The following AOAH variants were observed in gnomAD, a reference collection of about 807,000 sequenced individuals.
The protein encoded by AOAH is acyloxyacyl hydrolase (neutrophil).
Under a neutral mutation model 92.2 loss-of-function variants are expected in AOAH, and 64 were observed. The ratio of observed to expected loss-of-function variants is 0.69; its 90% CI spans 0.57 to 0.86. AOAH has a LOEUF of 0.86. AOAH is among the 40% of genes least tolerant of loss of function. The pLI is 0.00. For synonymous variants in AOAH, 263 were observed against 254.5 expected (o/e 1.03, Z -0.32); for missense variants, 656 against 694.6 (o/e 0.94, Z 0.62).
chr7:36,618,307 TTTC>T lies in AOAH; in HGVS notation c.738_740del (p.Lys247del). ...ATCCACAATTCATACCTTCACAGAA[TTTC>T]TTCTCATATGGAACTCCATCTTTTG... On this transcript the variant is annotated inframe_deletion, in exon 10 of 21. Coordinates refer to ENST00000617537, the MANE Select transcript of AOAH (RefSeq NM_001637.4). The T allele has an allele frequency of 6.2e-7, 1 of 1,613,728 alleles. No homozygotes were observed. The highest frequency in any genetic ancestry group is 1.7e-4 in the Middle Eastern group (1 of 6,058).
chr7:36,560,232 T>C (rs1410002132), intron 13 of AOAH, among the ~76,000 whole-genome samples: 1 of 152,250 alleles, frequency 6.6e-6, no homozygotes, highest in Non-Finnish European at 1.5e-5. Flanking sequence ...TTTGGTTCCA[T>C]ATGAATTTTA....
chr7:36,662,608 AGG>A (rs1795288415), intron 3 of AOAH, among the ~76,000 whole-genome samples: 1 of 152,174 alleles, frequency 6.6e-6, no homozygotes, highest in Admixed American at 6.5e-5. Context: ...AGTGATAAAT[AGG>A]GCTCTGGTTA....
At chr7:36,583,170 G>A (rs1240179128) in intron 12 of AOAH, among the ~76,000 whole-genome samples, 1 of 152,076 alleles carries the variant, frequency 6.6e-6, no homozygotes, top group Non-Finnish European at 1.5e-5. Flanking sequence ...TTGAATCTTA[G>A]GGAATAAGTT....
chr7:36,667,898 G>A (rs774574778), intron 3 of AOAH, among the ~76,000 whole-genome samples: 2 of 152,064 alleles, frequency 1.3e-5, no homozygotes, highest in Admixed American at 1.3e-4. Flanking sequence ...TGCTAGCATG[G>A]TATAGCTTTC....
intron 10 of AOAH, among the ~76,000 whole-genome samples, chr7:36,617,602 A>G (rs1202619431): frequency 6.6e-6 from 1 of 152,238 alleles, no homozygotes; most frequent in African/African-American, 2.4e-5. Flanking sequence ...GAATGAATGA[A>G]TGAATGAATG....
chr7:36,549,248 C>G (rs1010952916), intron 14 of AOAH, among the ~76,000 whole-genome samples, 191 bp downstream of exon 14: 4 of 152,182 alleles, frequency 2.6e-5, no homozygotes, highest in African/African-American at 9.6e-5. Flanking sequence ...TTTTATCACC[C>G]TTCTTTGAGG....
intron 13 of AOAH, among the ~76,000 whole-genome samples, chr7:36,559,987 G>T (rs949770881): frequency 6.6e-6 from 1 of 152,086 alleles, no homozygotes; most frequent in African/African-American, 2.4e-5. Flanking sequence ...TATTGAACAG[G>T]GAGTCCTTTC....
intron 2 of AOAH, among the ~76,000 whole-genome samples, chr7:36,685,002 CG>C (rs1796910086): frequency 6.7e-6 from 1 of 148,898 alleles, no homozygotes; most frequent in South Asian, 2.1e-4. Context: ...GCACCTATGG[CG>C]GCCTCCTGAT....
At chr7:36,668,719 T>C (rs1035466528) in intron 3 of AOAH, among the ~76,000 whole-genome samples, 4 of 152,238 alleles carry the variant, frequency 2.6e-5, no homozygotes, top group African/African-American at 9.6e-5. Flanking sequence ...ACTCCTGGAC[T>C]CAAGTGATCC....
chr7:36,567,226 T>C (rs1290840727), intron 13 of AOAH, among the ~76,000 whole-genome samples: 3 of 152,238 alleles, frequency 2.0e-5, no homozygotes, highest in African/African-American at 7.2e-5. Context: ...GAATTGAGGT[T>C]GCTGCAGGCT....
intron 1 of AOAH, among the ~76,000 whole-genome samples, chr7:36,688,903 A>ATG (rs1797215007): frequency 6.6e-6 from 1 of 152,164 alleles, no homozygotes; most frequent in African/African-American, 2.4e-5. Context: ...GTGTATATAC[A>ATG]CATGTATATG....
At chr7:36,628,827 G>A (rs1792862531) in intron 6 of AOAH, among the ~76,000 whole-genome samples, 1 of 152,226 alleles carries the variant, frequency 6.6e-6, no homozygotes, top group South Asian at 2.1e-4. Context: ...TCTACCACGT[G>A]AGGACTCCGT....
chr7:36,709,925 C>A (rs1423534451), intron 1 of AOAH, among the ~76,000 whole-genome samples: 1 of 152,182 alleles, frequency 6.6e-6, no homozygotes, highest in Non-Finnish European at 1.5e-5. Flanking sequence ...TAATCTTCAT[C>A]TATTGATTTC....
chr7:36,576,538 G>A (rs1399302339), intron 13 of AOAH, 36 bp downstream of exon 13: 2 of 1,223,706 alleles, frequency 1.6e-6, no homozygotes, highest in Non-Finnish European at 2.3e-6. Context: ...ATCATTACAG[G>A]AACATTGATG....
At chr7:36,682,157 TC>T (rs1172510547) in intron 2 of AOAH, among the ~76,000 whole-genome samples, 6 of 152,080 alleles carry the variant, frequency 3.9e-5, no homozygotes, top group Non-Finnish European at 7.4e-5. Flanking sequence ...GTGGCTAGAG[TC>T]ATCTGGCACC....
chr7:36,570,162 C>T (rs1788039857), intron 13 of AOAH, among the ~76,000 whole-genome samples: 1 of 152,148 alleles, frequency 6.6e-6, no homozygotes, highest in Non-Finnish European at 1.5e-5. Flanking sequence ...CATCAGCTCC[C>T]TATTTCCCTC....
At chr7:36,647,812 T>A (rs1208020400) in intron 4 of AOAH, among the ~76,000 whole-genome samples, 1 of 151,588 alleles carries the variant, frequency 6.6e-6, no homozygotes, top group Non-Finnish European at 1.5e-5. Flanking sequence ...AGCATTCCAA[T>A]GCCATCTTCA....
At chr7:36,574,267 C>G (rs1788336310) in intron 13 of AOAH, among the ~76,000 whole-genome samples, 1 of 152,164 alleles carries the variant, frequency 6.6e-6, no homozygotes, top group African/African-American at 2.4e-5. Context: ...ATCCCCTATT[C>G]CCCGGCATCT....
intron 1 of AOAH, among the ~76,000 whole-genome samples, chr7:36,708,942 G>C (rs1232655024): frequency 1.3e-5 from 2 of 152,148 alleles, no homozygotes; most frequent in East Asian, 3.8e-4. Context: ...ATCCACGTGT[G>C]AGCTAGGGAA....
Sources: allele counts gnomAD v4.1 joint callset (sites outside exome capture counted in the v4.1 genomes callset), GRCh38; gene constraint gnomAD v4.1.1; transcripts MANE v1.5; gene names NCBI Gene and HGNC (gene_info 2026-07-23, HGNC 2026-07-21).